JPH3: variants seen among roughly 807,000 people sequenced by gnomAD.
The protein encoded by JPH3 is junctophilin-3.
A neutral mutation model predicts 59.6 loss-of-function variants in JPH3; 11 were observed. That is an observed-to-expected ratio of 0.18 (90% CI 0.12 to 0.31). The LOEUF (loss-of-function observed/expected upper bound fraction) is 0.31, where lower values mean the gene tolerates loss of function less well. Among genes scored for constraint, JPH3 ranks in the 10% least tolerant of loss-of-function variants. The probability of loss-of-function intolerance (pLI) is 1.00; values close to 1 mark genes in which losing one functional copy is unlikely to be tolerated. For missense variants in JPH3, 1,202 were observed against 1,105.7 expected (o/e 1.09, Z -1.24); for synonymous variants, 673 against 483.6 (o/e 1.39, Z -5.14).
intron 4 of JPH3, chr16:87,693,594 G>A (rs1398117338): frequency 6.6e-6 from 1 of 152,274 alleles, no homozygotes; most frequent in Non-Finnish European, 1.5e-5. Flanking sequence ...AGAATTTCCA[G>A]AACCCGCAGG....
rs757661854 is a variant in JPH3, at chr16:87,644,444, C to T, written c.569C>T (p.Ala190Val). 1 of 1,612,404 alleles carries T rather than the reference C, an allele frequency of 6.2e-7. No homozygotes were observed. Among genetic ancestry groups the T allele is most frequent in the Non-Finnish European group, 8.5e-7 (1 of 1,179,578 alleles). ...DASPAVAGSP[A>V]VSRGGFVLVA... ...TCTCCGGCGGTGGCCGGCAGCCCGG[C>T]CGTGTCCCGCGGGGGCTTCGTGCTC... is the stretch of plus-strand genomic sequence containing the variant. The change falls in exon 2 of 5, where the codon GCC becomes GTC. Residue 190 changes from alanine to valine, a missense_variant. Coordinates refer to ENST00000284262, the MANE Select transcript of JPH3 (RefSeq NM_020655.4).
At chr16:87,678,778 A>T (rs551789734) in intron 2 of JPH3, among the ~76,000 whole-genome samples, 139 of 152,262 alleles carry the variant, frequency 9.1e-4, no homozygotes, top group Admixed American at 1.8e-3. Flanking sequence ...AGAAGAGGAG[A>T]GAGACACGTG....
chr16:87,658,835 G>T (rs113541407), intron 2 of JPH3, among the ~76,000 whole-genome samples: 4,650 of 152,354 alleles, frequency 0.031, 241 homozygotes, highest in African/African-American at 0.11. Flanking sequence ...TGGTGCTGAG[G>T]CAGGGGTGGG....
At chr16:87,605,923 C>T (rs2030501927) in intron 1 of JPH3, among the ~76,000 whole-genome samples, 1 of 152,342 alleles carries the variant, frequency 6.6e-6, no homozygotes. Flanking sequence ...AGCTTCATGG[C>T]CGGCTCTCCC....
intron 2 of JPH3, among the ~76,000 whole-genome samples, chr16:87,650,939 G>A (rs1044355113): frequency 6.6e-6 from 1 of 152,256 alleles, no homozygotes; most frequent in Non-Finnish European, 1.5e-5. Context: ...AGTGTCGATG[G>A]AACAGCTTTC....
intron 1 of JPH3, among the ~76,000 whole-genome samples, chr16:87,623,453 G>A (rs528104199): frequency 2.1e-4 from 32 of 152,330 alleles, no homozygotes; most frequent in Non-Finnish European, 3.7e-4. Context: ...GGGACATGCC[G>A]TTTCCATGAG....
At chr16:87,663,506 G>A (rs961108644) in intron 2 of JPH3, among the ~76,000 whole-genome samples, 5 of 152,246 alleles carry the variant, frequency 3.3e-5, no homozygotes, top group African/African-American at 1.2e-4. Context: ...TCAGGGAACA[G>A]TTTCAAGATA....
intron 1 of JPH3, among the ~76,000 whole-genome samples, chr16:87,640,623 C>G (rs1320701849): frequency 6.6e-6 from 1 of 152,094 alleles, no homozygotes; most frequent in Non-Finnish European, 1.5e-5. Flanking sequence ...TAACTCCTGA[C>G]TTCAGGTGAT....
At chr16:87,651,085 T>G (rs951869858) in intron 2 of JPH3, among the ~76,000 whole-genome samples, 2 of 152,180 alleles carry the variant, frequency 1.3e-5, no homozygotes, top group Non-Finnish European at 2.9e-5. Context: ...CATTGAACAT[T>G]CCAAAAATCC....
Position 87,648,253 on chromosome 16 carries a change from GAA to G in JPH3, c.1160+3224_1160+3225del, listed in dbSNP as rs562324188. Among the ~76,000 whole-genome samples the G allele has an allele frequency of 6.5e-3, 985 of 152,048 alleles. 9 individuals are homozygous for G. The highest frequency in any genetic ancestry group is 0.023 in the African/African-American group (941 of 41,454). The stretch of plus-strand genomic sequence containing the variant: ...CTTAGAATTTGGGGAAAAAAAAAAG[GAA>G]AAAAAGGAGGGAAGAGAGTCTGCCG... On this transcript the variant is annotated intron_variant, in intron 2 of 4. Transcript: ENST00000284262.
chr16:87,621,785 C>T (rs991176058), intron 1 of JPH3, among the ~76,000 whole-genome samples: 1 of 152,112 alleles, frequency 6.6e-6, no homozygotes, highest in African/African-American at 2.4e-5. Context: ...GGGGAGGGGA[C>T]AGTCTAGGGA....
At chr16:87,626,809 A>G (rs2031395511) in intron 1 of JPH3, among the ~76,000 whole-genome samples, 1 of 152,206 alleles carries the variant, frequency 6.6e-6, no homozygotes, top group Non-Finnish European at 1.5e-5. Context: ...TCACTCAGGC[A>G]CAGCTCTTCA....
Position 87,616,190 on chromosome 16 carries a change from T to TTTTGTGTG in JPH3, c.382+12663_382+12664insTTGTGTGT, listed in dbSNP as rs3221600. On this transcript the variant is annotated intron_variant, in intron 1 of 4. Coordinates refer to ENST00000284262, the MANE Select transcript of JPH3 (RefSeq NM_020655.4). ...AGCAGAACAGCAACGCAATCTGGTT[T>TTTTGTGTG]TGTGTGTGTGTGTGTGTGTGTGTGT... is the stretch of plus-strand genomic sequence containing the variant. 1.8e-3 allele frequency among the ~76,000 whole-genome samples: 204 copies of TTTTGTGTG among 116,018 alleles called. 1 individual carries two copies. The highest frequency in any genetic ancestry group is 6.5e-3 in the African/African-American group (187 of 28,640). 76.1% of individuals were successfully genotyped at this position (116,018 alleles called of 152,430 possible).
intron 1 of JPH3, among the ~76,000 whole-genome samples, chr16:87,610,199 A>T (rs1246841502): frequency 2.0e-5 from 3 of 152,192 alleles, no homozygotes; most frequent in Non-Finnish European, 2.9e-5. Context: ...GTAAATACAG[A>T]CGAAGCTTCA....
At chr16:87,649,897 A>C (rs963414214) in intron 2 of JPH3, among the ~76,000 whole-genome samples, 1 of 152,260 alleles carries the variant, frequency 6.6e-6, no homozygotes, top group South Asian at 2.1e-4. Context: ...GCAAAAGCTC[A>C]GCCAGGATTT....
chr16:87,691,086 A>C (rs995050559), intron 4 of JPH3, among the ~76,000 whole-genome samples: 200 of 138,528 alleles, frequency 1.4e-3, no homozygotes, highest in Middle Eastern at 3.7e-3. Flanking sequence ...CTCACCCAGC[A>C]CCCCCCCCCC....
chr16:87,633,143 G>C (rs1015224192), intron 1 of JPH3, among the ~76,000 whole-genome samples: 1 of 152,166 alleles, frequency 6.6e-6, no homozygotes, highest in African/African-American at 2.4e-5. Context: ...TTAAACCACA[G>C]TTTATTTCCT....
At chr16:87,636,103 A>G (rs1016974332) in intron 1 of JPH3, among the ~76,000 whole-genome samples, 20 of 152,302 alleles carry the variant, frequency 1.3e-4, no homozygotes, top group Middle Eastern at 3.4e-3. Flanking sequence ...TCCTGTCTTC[A>G]TGCACACAAG....
chr16:87,625,583 G>C (rs78173526), intron 1 of JPH3, among the ~76,000 whole-genome samples: 2,240 of 152,294 alleles, frequency 0.015, 58 homozygotes, highest in African/African-American at 0.052. Flanking sequence ...AGGAGGAGGA[G>C]GACTGGCCCC....
Sources: allele counts gnomAD v4.1 joint callset (sites outside exome capture counted in the v4.1 genomes callset), GRCh38; gene constraint gnomAD v4.1.1; transcripts MANE v1.5; gene names NCBI Gene and HGNC (gene_info 2026-07-23, HGNC 2026-07-21).